ZNF385D: variants seen among roughly 807,000 people sequenced by gnomAD.
The protein encoded by ZNF385D is zinc finger protein 659.
A neutral mutation model predicts 35.8 loss-of-function variants in ZNF385D; 15 were observed. The observed-to-expected ratio is 0.42, with a 90% CI of 0.28 to 0.64. ZNF385D has a LOEUF of 0.64. Ranked by LOEUF, ZNF385D falls within the 30% of genes least tolerant of loss-of-function variation. The pLI, the probability that ZNF385D is intolerant of heterozygous loss-of-function variation, is 0.23. For synonymous variants in ZNF385D, 212 were observed against 186.8 expected (o/e 1.13, Z -1.10); for missense variants, 474 against 494.6 (o/e 0.96, Z 0.39).
chr3:21,831,990 A>C (rs534637745), intron 3 of ZNF385D, among the ~76,000 whole-genome samples: 15 of 152,332 alleles, frequency 9.8e-5, no homozygotes, highest in African/African-American at 3.4e-4. Context: ...ATAATGCACT[A>C]TCCCTTTAAT....
At chr3:21,718,580 G>C (rs1173495973) in intron 1 of ZNF385D, among the ~76,000 whole-genome samples, 2 of 152,192 alleles carry the variant, frequency 1.3e-5, no homozygotes, top group Non-Finnish European at 2.9e-5. Context: ...CTATAGATGA[G>C]AAAATGGAAC....
intron 3 of ZNF385D, among the ~76,000 whole-genome samples, chr3:21,929,489 T>A (rs770779832): frequency 6.6e-6 from 1 of 152,058 alleles, no homozygotes; most frequent in African/African-American, 2.4e-5. Context: ...AAAAAGTGTT[T>A]GGATTATAAA....
At chr3:21,963,646 A>T (rs920768364) in intron 3 of ZNF385D, among the ~76,000 whole-genome samples, 1 of 152,144 alleles carries the variant, frequency 6.6e-6, no homozygotes, top group Admixed American at 6.6e-5. Flanking sequence ...TACGCCTTTA[A>T]GTTATAATAC....
chr3:22,213,213 C>A (rs1416463402), intron 2 of ZNF385D, among the ~76,000 whole-genome samples: 1 of 152,010 alleles, frequency 6.6e-6, no homozygotes, highest in Non-Finnish European at 1.5e-5. Context: ...GGGGATTTGA[C>A]AAATGCTTTC....
chr3:21,933,827 C>G (rs934517678), intron 3 of ZNF385D, among the ~76,000 whole-genome samples: 1 of 152,048 alleles, frequency 6.6e-6, no homozygotes, highest in South Asian at 2.1e-4. Context: ...TTAATTATAG[C>G]ATTTAAATTC....
intron 3 of ZNF385D, among the ~76,000 whole-genome samples, chr3:21,882,262 T>C (rs1297698996): frequency 1.3e-5 from 2 of 151,986 alleles, no homozygotes; most frequent in African/African-American, 4.8e-5. Context: ...TTTTCAAAAG[T>C]TGCCACAGCC....
intron 2 of ZNF385D, among the ~76,000 whole-genome samples, chr3:22,251,872 T>C (rs1223290379): frequency 2.0e-5 from 3 of 152,070 alleles, no homozygotes; most frequent in Non-Finnish European, 4.4e-5. Context: ...CACACAGCCT[T>C]TGAAAGTTCA....
intron 3 of ZNF385D, among the ~76,000 whole-genome samples, chr3:21,517,707 G>A (rs570521169): frequency 6.6e-6 from 1 of 152,156 alleles, no homozygotes; most frequent in Non-Finnish European, 1.5e-5. Flanking sequence ...ACATGCACAG[G>A]TGCAGCCATA....
chr3:21,633,107 T>A (rs552840858), intron 2 of ZNF385D, among the ~76,000 whole-genome samples: 119 of 152,244 alleles, frequency 7.8e-4, no homozygotes, highest in Non-Finnish European at 1.5e-3. Flanking sequence ...TATCATTTTT[T>A]TAGCTATCAT....
At position 21,915,870 on chromosome 3, in the gene ZNF385D, G is replaced by A. The variant is rs539761287; in HGVS notation, c.326-250842C>T. Among the ~76,000 whole-genome samples, 14 of 152,192 alleles carry A rather than the reference G, an allele frequency of 9.2e-5. No individual in the cohort carries two copies. The East Asian group carries it at 1.5e-3, about 17-fold the overall frequency. On this transcript the variant is annotated intron_variant, in intron 3 of 5. Transcript: ENST00000494108. ...CTAGTGAAAGAACTTTACCAAACAC[G>A]GCAAAAATAACTCAGAATGAGGTTT...
At chr3:21,734,914 C>T (rs1047029546) in intron 1 of ZNF385D, among the ~76,000 whole-genome samples, 2 of 150,824 alleles carry the variant, frequency 1.3e-5, no homozygotes, top group Admixed American at 1.3e-4. Flanking sequence ...ATGATGCACA[C>T]TGCTGACAGT....
At chr3:22,112,929 C>T (rs1455628354) in intron 3 of ZNF385D, among the ~76,000 whole-genome samples, 3 of 152,076 alleles carry the variant, frequency 2.0e-5, no homozygotes. Flanking sequence ...ATATGTTATA[C>T]ATTGGTAGAA....
intron 3 of ZNF385D, among the ~76,000 whole-genome samples, chr3:21,887,942 T>C (rs1698635122): frequency 6.6e-6 from 1 of 152,144 alleles, no homozygotes; most frequent in African/African-American, 2.4e-5. Context: ...TGAAATAATA[T>C]TAATACTTTG....
chr3:21,545,934 C>T (rs2062355496), intron 3 of ZNF385D, among the ~76,000 whole-genome samples: 2 of 152,306 alleles, frequency 1.3e-5, no homozygotes, highest in East Asian at 1.9e-4. Context: ...AAGGTCTTAT[C>T]TGAGATTCCT....
At chr3:22,063,073 T>A (rs961620874) in intron 3 of ZNF385D, among the ~76,000 whole-genome samples, 2 of 152,192 alleles carry the variant, frequency 1.3e-5, no homozygotes, top group East Asian at 3.9e-4. Flanking sequence ...TAATTTGTTA[T>A]GCAGCAATGT....
intron 3 of ZNF385D, among the ~76,000 whole-genome samples, chr3:22,082,843 C>T (rs1419002665): frequency 2.6e-5 from 4 of 152,136 alleles, no homozygotes; most frequent in African/African-American, 7.2e-5. Flanking sequence ...CCCTCTGAGA[C>T]GAAGCTTCCA....
chr3:22,143,820 T>A (rs571544252), intron 3 of ZNF385D, among the ~76,000 whole-genome samples: 3 of 152,338 alleles, frequency 2.0e-5, no homozygotes, highest in Non-Finnish European at 4.4e-5. Context: ...AGTAAAACTT[T>A]CTGATCTTAA....
intron 3 of ZNF385D, among the ~76,000 whole-genome samples, chr3:21,540,658 T>A (rs1241541821): frequency 1.3e-5 from 2 of 152,212 alleles, no homozygotes; most frequent in Non-Finnish European, 2.9e-5. Flanking sequence ...CCGATAAACC[T>A]GATAAGAATA....
At chr3:21,746,676 A>T (rs1383178679) in intron 1 of ZNF385D, among the ~76,000 whole-genome samples, 1 of 152,234 alleles carries the variant, frequency 6.6e-6, no homozygotes, top group Non-Finnish European at 1.5e-5. Flanking sequence ...GGGGAGATAG[A>T]AACAGTGGCT....
Sources: allele counts gnomAD v4.1 joint callset (sites outside exome capture counted in the v4.1 genomes callset), GRCh38; gene constraint gnomAD v4.1.1; transcripts MANE v1.5; gene names NCBI Gene and HGNC (gene_info 2026-07-23, HGNC 2026-07-21).